The following UNKL variants were observed in gnomAD, a reference collection of about 807,000 sequenced individuals.
UNKL encodes the protein unk like zinc finger, also known as putative E3 ubiquitin-protein ligase UNKL.
In UNKL, 60 loss-of-function variants were observed where a neutral mutation model predicts 78.0. That is an observed-to-expected ratio of 0.77 (90% CI 0.63 to 0.95). The LOEUF (loss-of-function observed/expected upper bound fraction) is 0.95. UNKL is among the 40% of genes least tolerant of loss of function. The pLI is 0.00. For synonymous variants in UNKL, 608 were observed against 474.8 expected (o/e 1.28, Z -3.65); for missense variants, 1,159 against 1,045.7 (o/e 1.11, Z -1.49).
chr16:1,377,785 C>A (rs1193270455), intron 10 of UNKL, among the ~76,000 whole-genome samples: 1 of 152,156 alleles, frequency 6.6e-6, no homozygotes, highest in Non-Finnish European at 1.5e-5. Flanking sequence ...GTTCCCATGG[C>A]CCCACTGCAG....
Position 1,367,148 on chromosome 16 carries a change from G to A in UNKL, c.1990C>T (p.Pro664Ser). ...GCGDIGTIPL[P>S]KLHSLQSQLR... Reference sequence around the variant, plus strand: ...TGACTCTGCAGCGAGTGCAGCTTCGGCAGGGGAATGGTGCCGATGTCCCCA... The same window carrying A: ...TGACTCTGCAGCGAGTGCAGCTTCGACAGGGGAATGGTGCCGATGTCCCCA... The change falls in exon 14 of 15, where the codon CCG becomes TCG. Residue 664 changes from proline to serine, a missense_variant. Coordinates refer to ENST00000389221, the MANE Select transcript of UNKL (RefSeq NM_001372107.1). 1 of 1,601,258 alleles carries A rather than the reference G, an allele frequency of 6.2e-7. No homozygotes were observed. Among genetic ancestry groups the A allele is most frequent in the Non-Finnish European group, 8.5e-7 (1 of 1,176,354 alleles).
chr16:1,395,031 C>T (rs530456754), intron 6 of UNKL, among the ~76,000 whole-genome samples: 28 of 152,296 alleles, frequency 1.8e-4, no homozygotes, highest in Non-Finnish European at 3.1e-4. Context: ...GCATGTGCCA[C>T]CACACCTGGC....
intron 10 of UNKL, chr16:1,383,758 G>C (rs1343931065): frequency 2.3e-6 from 1 of 428,548 alleles, no homozygotes; most frequent in Non-Finnish European, 4.8e-6. Flanking sequence ...ATTGACGCGG[G>C]TCCTGATGGT....
Position 1,397,224 on chromosome 16 carries a change from C to T in UNKL, c.806G>A (p.Gly269Asp). The T allele has an allele frequency of 6.5e-7, 1 of 1,545,648 alleles. No individual in the cohort carries two copies. ...CGTGCGGGAGTGGCAATACTGGCAG[C>T]CGTCGCCGCCATCGCAGCGTGAGGG... Reference protein sequence around the residue: ...GEPSRCDGGDGCQYCHSRTEQ... With the variant: ...GEPSRCDGGDDCQYCHSRTEQ... Residue 269 changes from glycine (G) to aspartate (D), a missense_variant, in exon 6 of 15, where the codon GGC (glycine) becomes GAC (aspartate). Physicochemically the swap from Gly to Asp is moderately conservative, Grantham distance 94. Coordinates refer to ENST00000389221, the MANE Select transcript of UNKL (RefSeq NM_001372107.1).
chr16:1,374,862 G>A (rs1030809731), intron 10 of UNKL, among the ~76,000 whole-genome samples: 1 of 152,234 alleles, frequency 6.6e-6, no homozygotes, highest in Non-Finnish European at 1.5e-5. Flanking sequence ...GAAGACAGCT[G>A]GGGCCTTTCC....
intron 1 of UNKL, 66 bp downstream of exon 1, chr16:1,414,549 C>T (rs1221699350): frequency 2.5e-5 from 17 of 677,272 alleles, no homozygotes; most frequent in Non-Finnish European, 3.1e-5. Flanking sequence ...GCGGCGCGAG[C>T]CCCGGCGGGA....
At position 1,374,193 on chromosome 16, in the gene UNKL, C is replaced by T. The variant is rs1401794041; in HGVS notation, c.1265-2582G>A. On this transcript the variant is annotated intron_variant, in intron 10 of 14. Coordinates refer to ENST00000389221, the MANE Select transcript of UNKL (RefSeq NM_001372107.1). ...CAACACCGCACAGAGACCTCAGCAG[C>T]GTGGGGCACACCACACAGGGACTGT... Among the ~76,000 whole-genome samples the T allele has an allele frequency of 4.7e-5, 7 of 149,782 alleles. 3 individuals carry two copies. Among genetic ancestry groups the T allele is most frequent in the East Asian group, 3.9e-4 (2 of 5,128 alleles).
At chr16:1,383,416 A>G in intron 10 of UNKL, 1 of 182,636 alleles carries the variant, frequency 5.5e-6, no homozygotes, top group Non-Finnish European at 1.2e-5. Context: ...TGCCCAGAAG[A>G]TGCACCTGGT....
chr16:1,403,359 G>C lies in UNKL; in HGVS notation c.288-15C>G, dbSNP rs767316493. The C allele has an allele frequency of 6.2e-7, 1 of 1,612,654 alleles. No homozygotes were observed. Among genetic ancestry groups the C allele is most frequent in the South Asian group, 1.1e-5 (1 of 90,874 alleles). On this transcript the variant is annotated splice_polypyrimidine_tract_variant and intron_variant, in intron 2 of 14. Transcript: ENST00000389221. The surrounding 1 kb of genome is among the most constrained non-coding windows in gnomAD (Gnocchi z 4.8). ...GGTAGGGACACCTGGGGAGCAGAGA[G>C]GCACGCAATGCCTGGTTATCATGGA...
intron 14 of UNKL, 35 bp from the exon 15 acceptor site, chr16:1,366,430 C>A: frequency 6.5e-7 from 1 of 1,538,440 alleles, no homozygotes; most frequent in Non-Finnish European, 8.8e-7. Context: ...CTCAGGAGGC[C>A]CCTGCCCAGG....
At chr16:1,402,159 C>G (rs112542769) in intron 3 of UNKL, among the ~76,000 whole-genome samples, 7 of 152,142 alleles carry the variant, frequency 4.6e-5, no homozygotes, top group Non-Finnish European at 7.3e-5. Context: ...GCAGCAGTGC[C>G]TCACGGCCTC....
At chr16:1,406,083 T>C (rs2037749436) in intron 2 of UNKL, 2 of 456,538 alleles carry the variant, frequency 4.4e-6, no homozygotes, top group Non-Finnish European at 8.8e-6. Context: ...CCACCGGGCT[T>C]AGGAGACAGG....
chr16:1,407,290 T>C (rs1314912696), intron 2 of UNKL: 3 of 152,266 alleles, frequency 2.0e-5, no homozygotes, highest in Admixed American at 6.6e-5. Context: ...GAGACCCAGC[T>C]AGGCACACCC....
At position 1,363,383 on chromosome 16, in the gene UNKL, A is replaced by ACATTCT. The variant is rs1395763263; in HGVS notation, c.*2851_*2856dup. 10 of 414,754 alleles carry ACATTCT rather than the reference A, an allele frequency of 2.4e-5. No individual in the cohort carries two copies. The East Asian group carries it at 5.3e-4, about 22-fold the overall frequency. 25.7% of individuals were successfully genotyped at this position (414,754 alleles called of 1,614,324 possible). A position where few individuals can be genotyped will look rare whatever the true frequency, so the allele number is the denominator to read the frequency against. ...GGGTTAAGAAAATTCCATTCAAATA[A>ACATTCT]CATTCTCATGTAAATACTCAAACAT... On this transcript the variant is annotated 3_prime_UTR_variant, in exon 15 of 15. Coordinates refer to ENST00000389221, the MANE Select transcript of UNKL (RefSeq NM_001372107.1).
Position 1,393,376 on chromosome 16 carries a change from G to A in UNKL, c.938-400C>T, listed in dbSNP as rs551902194. On this transcript the variant is annotated intron_variant, in intron 7 of 14. Coordinates refer to ENST00000389221, the MANE Select transcript of UNKL (RefSeq NM_001372107.1). ...CTGCGAGGAGGAAACCCACTGCAGC[G>A]TGGAGGAGGCCGCATGGGTTCCCAC... 3.3e-5 allele frequency among the ~76,000 whole-genome samples: 5 copies of A among 151,996 alleles called. No individual in the cohort carries two copies. The East Asian group carries it at 5.8e-4, about 18-fold the overall frequency.
chr16:1,383,673 G>A (rs61745626), intron 10 of UNKL: 7,131 of 419,354 alleles, frequency 0.017, 94 homozygotes, highest in Non-Finnish European at 0.022. Context: ...TCCGTGTGGG[G>A]CAACCACCAA....
intron 10 of UNKL, chr16:1,379,762 G>GC (rs58279159): frequency 4.5e-5 from 39 of 867,912 alleles, no homozygotes; most frequent in African/African-American, 1.8e-4. Flanking sequence ...CACTGGCCAC[G>GC]CCCCCCGCGC....
chr16:1,383,989 C>T, intron 10 of UNKL: 1 of 208,818 alleles, frequency 4.8e-6, no homozygotes, highest in Non-Finnish European at 1.1e-5. Context: ...CCTCACTGTA[C>T]CCCCAACCCC....
At chr16:1,383,944 G>C (rs1410314506) in intron 10 of UNKL, 1 of 313,896 alleles carries the variant, frequency 3.2e-6, no homozygotes, top group Non-Finnish European at 7.0e-6. Context: ...TGCAGCAGCA[G>C]AGGCCAGACC....
Sources: allele counts gnomAD v4.1 joint callset (sites outside exome capture counted in the v4.1 genomes callset), GRCh38; gene constraint gnomAD v4.1.1; non-coding constraint Gnocchi (gnomAD v3.1); transcripts MANE v1.5; gene names NCBI Gene and HGNC (gene_info 2026-07-23, HGNC 2026-07-21).